The following MARCHF1 variants were observed in gnomAD, a reference collection of about 807,000 sequenced individuals.
The protein encoded by MARCHF1 is E3 ubiquitin-protein ligase MARCHF1.
Under a neutral mutation model 54.2 loss-of-function variants are expected in MARCHF1, and 40 were observed. The observed-to-expected ratio is 0.74, with a 90% CI of 0.57 to 0.96. The LOEUF (loss-of-function observed/expected upper bound fraction) is 0.96. Ranked by LOEUF, MARCHF1 falls within the 40% of genes least tolerant of loss-of-function variation. The pLI is 0.00. For missense variants in MARCHF1, 586 were observed against 656.5 expected, an observed-to-expected ratio of 0.89 and a Z score of 1.17; for synonymous variants, 236 against 236.3, an observed-to-expected ratio of 1.00 and a Z score of 0.01.
intron 2 of MARCHF1, among the ~76,000 whole-genome samples, chr4:164,003,245 T>A (rs1753220084): frequency 6.6e-6 from 1 of 151,442 alleles, no homozygotes; most frequent in Non-Finnish European, 1.5e-5. Flanking sequence ...AAATTCTAAA[T>A]GTAATCCAAA....
chr4:163,805,529 T>C (rs537601454), intron 4 of MARCHF1, among the ~76,000 whole-genome samples: 1 of 152,338 alleles, frequency 6.6e-6, no homozygotes, highest in East Asian at 1.9e-4. Context: ...TAGCTTGTCC[T>C]ACTGCACAGA....
intron 1 of MARCHF1, among the ~76,000 whole-genome samples, chr4:164,224,601 A>C (rs1336035942): frequency 6.6e-6 from 1 of 152,024 alleles, no homozygotes; most frequent in South Asian, 2.1e-4. Context: ...GTGCTTTTAC[A>C]TGAAAGCATT....
chr4:164,184,628 A>G (rs1730919730), intron 1 of MARCHF1, among the ~76,000 whole-genome samples: 1 of 152,230 alleles, frequency 6.6e-6, no homozygotes, highest in South Asian at 2.1e-4. Flanking sequence ...ACTCATACAG[A>G]ATAATATGCT....
intron 2 of MARCHF1, among the ~76,000 whole-genome samples, chr4:163,989,371 A>C (rs1752931445): frequency 6.6e-6 from 1 of 152,196 alleles, no homozygotes; most frequent in African/African-American, 2.4e-5. Flanking sequence ...TTGTAAAGAG[A>C]GTTAACCATT....
Position 163,525,977 on chromosome 4 carries a change from C to G in MARCHF1, c.*2771G>C, listed in dbSNP as rs1738091309. ...TAAACAAACAACCATTGCTGAAAAG[C>G]TTCTTAAAAGCTTGAAATTCAGAAC... On this transcript the variant is annotated 3_prime_UTR_variant, in exon 10 of 10. Transcript: ENST00000514618. 6.6e-6 allele frequency: 1 copy of G among 152,062 alleles called. No homozygotes were observed. Among genetic ancestry groups the G allele is most frequent in the Non-Finnish European group, 1.5e-5 (1 of 67,972 alleles). The allele number at this position is 152,062 out of a possible 1,614,324, so 9.4% of individuals were successfully genotyped here. A position where few individuals can be genotyped will look rare whatever the true frequency, so the allele number is the denominator to read the frequency against.
chr4:164,128,639 T>A (rs1177973931), intron 1 of MARCHF1, among the ~76,000 whole-genome samples: 1 of 152,198 alleles, frequency 6.6e-6, no homozygotes, highest in Non-Finnish European at 1.5e-5. Context: ...AGTTTTATGT[T>A]GTAAGGAAAC....
chr4:164,350,778 A>C (rs1243447629), intron 1 of MARCHF1, among the ~76,000 whole-genome samples: 4 of 152,198 alleles, frequency 2.6e-5, no homozygotes, highest in Non-Finnish European at 5.9e-5. Context: ...GCCGAATAGG[A>C]ACAGCTCCGG....
chr4:163,738,471 T>A (rs566435851), intron 4 of MARCHF1, among the ~76,000 whole-genome samples: 2 of 152,228 alleles, frequency 1.3e-5, no homozygotes, highest in African/African-American at 4.8e-5. Flanking sequence ...TTAGGTGATA[T>A]GACATGTGAG....
intron 1 of MARCHF1, among the ~76,000 whole-genome samples, chr4:164,325,632 G>A (rs1230893101): frequency 1.3e-5 from 2 of 152,000 alleles, no homozygotes; most frequent in Non-Finnish European, 2.9e-5. Flanking sequence ...GAGAGGCTGA[G>A]GCAGGAGAAT....
intron 1 of MARCHF1, among the ~76,000 whole-genome samples, chr4:164,343,781 A>G (rs1729993896): frequency 6.6e-6 from 1 of 152,186 alleles, no homozygotes; most frequent in African/African-American, 2.4e-5. Flanking sequence ...GCTGATGGAA[A>G]TGTAAATTAG....
intron 1 of MARCHF1, among the ~76,000 whole-genome samples, chr4:164,199,679 CACAGAGAGAGAG>C (rs1236170659): frequency 0.023 from 1,178 of 51,938 alleles, 8 homozygotes; most frequent in Non-Finnish European, 0.028. Flanking sequence ...CACACACACA[CACAGAGAGAGAG>C]AGAGAGAGAG....
chr4:164,006,469 C>T (rs993231809), intron 2 of MARCHF1, among the ~76,000 whole-genome samples: 1 of 151,926 alleles, frequency 6.6e-6, no homozygotes, highest in Non-Finnish European at 1.5e-5. Flanking sequence ...AAACCACCTA[C>T]AAGATATAGA....
rs763346623 is a variant in MARCHF1, at chr4:164,197,336, C to T, written c.-322-85674G>A. The T allele has an allele frequency of 3.1e-6, 5 of 1,612,432 alleles. No individual in the cohort carries two copies. In the Admixed American group the frequency reaches 5.0e-5, roughly 16 times the overall value. On this transcript the variant is annotated intron_variant, in intron 1 of 9. Coordinates refer to ENST00000514618, the MANE Select transcript of MARCHF1 (RefSeq NM_001394959.1). Reference sequence around the variant, plus strand: ...AGCTTGAACACGTTTTCTCCGTAGTCGTTCAGGTTGGTTACCTCGCAATTG... The same window carrying T: ...AGCTTGAACACGTTTTCTCCGTAGTTGTTCAGGTTGGTTACCTCGCAATTG...
intron 4 of MARCHF1, among the ~76,000 whole-genome samples, chr4:163,852,686 T>A (rs1299588116): frequency 1.3e-5 from 2 of 152,176 alleles, no homozygotes; most frequent in Non-Finnish European, 2.9e-5. Flanking sequence ...TTAAGCAAGA[T>A]CCTCACTTCT....
At chr4:164,078,926 A>G (rs1022895971) in intron 2 of MARCHF1, among the ~76,000 whole-genome samples, 16 of 152,218 alleles carry the variant, frequency 1.1e-4, no homozygotes, top group Non-Finnish European at 1.8e-4. Flanking sequence ...TAATAAAAAA[A>G]AAAGAAATCA....
intron 3 of MARCHF1, among the ~76,000 whole-genome samples, chr4:163,922,468 G>T (rs930849045): frequency 1.3e-5 from 2 of 152,084 alleles, no homozygotes; most frequent in Non-Finnish European, 2.9e-5. Context: ...AGTCACATAG[G>T]CCTGTTGCAC....
chr4:164,180,268 T>A (rs981851564), intron 1 of MARCHF1, among the ~76,000 whole-genome samples: 10 of 152,092 alleles, frequency 6.6e-5, no homozygotes, highest in Admixed American at 5.9e-4. Context: ...AATATAGAGT[T>A]ATTAGATAAA....
chr4:164,106,117 C>T (rs949034844), intron 2 of MARCHF1, among the ~76,000 whole-genome samples: 1 of 151,006 alleles, frequency 6.6e-6, no homozygotes, highest in Non-Finnish European at 1.5e-5. Context: ...CAGGAAACAA[C>T]AGGTGCTGGA....
At chr4:164,307,502 C>T (rs1238263150) in intron 1 of MARCHF1, among the ~76,000 whole-genome samples, 1 of 152,214 alleles carries the variant, frequency 6.6e-6, no homozygotes, top group East Asian at 1.9e-4. Context: ...CTCTTCCCAA[C>T]CCTGTGTAAT....
Sources: gnomAD v4.1 joint callset for allele counts (sites outside exome capture counted in the v4.1 genomes callset) on GRCh38, gnomAD v4.1.1 for gene constraint, MANE v1.5 for transcripts, NCBI Gene and HGNC (gene_info 2026-07-23, HGNC 2026-07-21) for gene names.